Variants in WIPF1 observed in about 807,000 individuals in gnomAD.
The protein encoded by WIPF1 is WAS/WASL interacting protein family member 1.
Under a neutral mutation model 35.4 loss-of-function variants are expected in WIPF1, and 13 were observed. The ratio of observed to expected loss-of-function variants is 0.37; its 90% CI spans 0.24 to 0.58. The LOEUF (loss-of-function observed/expected upper bound fraction) is 0.58. Among genes scored for constraint, WIPF1 ranks in the 20% least tolerant of loss-of-function variants. The pLI, the probability that WIPF1 is intolerant of heterozygous loss-of-function variation, is 0.74. For synonymous variants in WIPF1, 267 were observed against 266.3 expected (o/e 1.00, Z -0.02); for missense variants, 591 against 667.0 (o/e 0.89, Z 1.25).
Position 174,681,933 on chromosome 2 carries a change from C to T in WIPF1, c.-39+841G>A, listed in dbSNP as rs371820342. Among the ~76,000 whole-genome samples, 4 of 152,372 alleles carry T rather than the reference C, an allele frequency of 2.6e-5. No individual in the cohort carries two copies. The East Asian group carries it at 5.8e-4, about 22-fold the overall frequency. ...TAATCCCAAAGAGCTCAAAGTCTAA[C>T]CAACCACCAGTGGTCTGATTTAGAG... On this transcript the variant is annotated intron_variant, in intron 1 of 8. Coordinates refer to the WIPF1 transcript ENST00000272746.
intron 1 of WIPF1, among the ~76,000 whole-genome samples, chr2:174,633,647 G>A (rs1687095185): frequency 6.6e-6 from 1 of 152,056 alleles, no homozygotes; most frequent in African/African-American, 2.4e-5. Flanking sequence ...GTCCCTCATT[G>A]GCCTCAGGAA....
At chr2:174,595,109 A>AT (rs1553529786) in intron 1 of WIPF1, among the ~76,000 whole-genome samples, 16 of 57,742 alleles carry the variant, frequency 2.8e-4, no homozygotes, top group African/African-American at 1.4e-3. Context: ...AAAAAAAAAA[A>AT]ATATATATAT....
At chr2:174,666,728 G>A (rs543815306) in intron 1 of WIPF1, among the ~76,000 whole-genome samples, 2 of 152,370 alleles carry the variant, frequency 1.3e-5, no homozygotes, top group Admixed American at 6.5e-5. Context: ...ACATGCCCAG[G>A]GGCCTGGCTT....
intron 1 of WIPF1, among the ~76,000 whole-genome samples, chr2:174,675,834 G>A (rs926173798): frequency 7.9e-5 from 12 of 151,630 alleles, no homozygotes; most frequent in Admixed American, 4.6e-4. Flanking sequence ...GGGTGGAGGC[G>A]GGGGTGTGAG....
chr2:174,589,210 A>C (rs1488939722), intron 1 of WIPF1, among the ~76,000 whole-genome samples: 1 of 152,214 alleles, frequency 6.6e-6, no homozygotes, highest in East Asian at 1.9e-4. Context: ...TATGGACTCC[A>C]TGGGGTCTTG....
rs536643444 is a variant in WIPF1, at chr2:174,643,831, AT to A, written c.-39+38942del. ...TTTCTTATTCTATGTCTCATTTAGT[AT>A]TTTTTTTACATTCAATCCTACATTT... On this transcript the variant is annotated intron_variant, in intron 1 of 8. Coordinates refer to the WIPF1 transcript ENST00000272746. Among the ~76,000 whole-genome samples, 289 of 151,996 alleles carry A rather than the reference AT, an allele frequency of 1.9e-3. 1 individual carries two copies. Among genetic ancestry groups the A allele is most frequent in the Non-Finnish European group, 2.6e-3 (180 of 67,926 alleles).
chr2:174,634,497 C>T (rs781250222), intron 1 of WIPF1: 9 of 152,176 alleles, frequency 5.9e-5, no homozygotes, highest in Non-Finnish European at 1.2e-4. Flanking sequence ...AAAAGTTTTC[C>T]AGGGGGCAAA....
chr2:174,592,719 C>A (rs1185976155), intron 1 of WIPF1, among the ~76,000 whole-genome samples: 1 of 151,462 alleles, frequency 6.6e-6, no homozygotes, highest in African/African-American at 2.4e-5. Flanking sequence ...AATTCTCCTG[C>A]CTCAGCCTCC....
At chr2:174,607,103 A>C (rs1686189760) in intron 1 of WIPF1, among the ~76,000 whole-genome samples, 1 of 152,192 alleles carries the variant, frequency 6.6e-6, no homozygotes, top group African/African-American at 2.4e-5. Context: ...ACATTAATTC[A>C]TTTATAAGGG....
chr2:174,651,157 TGTC>T (rs949439384), intron 1 of WIPF1, among the ~76,000 whole-genome samples: 21 of 152,364 alleles, frequency 1.4e-4, no homozygotes, highest in African/African-American at 5.1e-4. Context: ...GTACTAAGAC[TGTC>T]ATTTCAGGTC....
chr2:174,580,338 C>T (rs969762258), intron 3 of WIPF1, among the ~76,000 whole-genome samples: 1 of 152,214 alleles, frequency 6.6e-6, no homozygotes, highest in African/African-American at 2.4e-5. Flanking sequence ...CTAGGTCTTT[C>T]ACTTTTCCTT....
intron 1 of WIPF1, chr2:174,630,814 C>A: frequency 6.6e-6 from 1 of 152,312 alleles, no homozygotes; most frequent in Non-Finnish European, 1.5e-5. Context: ...TCTTTCCTAC[C>A]ACTTCCTTGC....
intron 1 of WIPF1, among the ~76,000 whole-genome samples, chr2:174,635,547 T>G (rs1404688995): frequency 4.0e-5 from 6 of 148,992 alleles, no homozygotes; most frequent in Admixed American, 6.7e-5. Flanking sequence ...TTTTTTTTTT[T>G]TTTTTTTGTG....
chr2:174,655,026 G>A (rs372937786), intron 1 of WIPF1, among the ~76,000 whole-genome samples: 9 of 152,260 alleles, frequency 5.9e-5, no homozygotes, highest in African/African-American at 2.2e-4. Flanking sequence ...GTATGTCCAC[G>A]CTGGCTCTCC....
chr2:174,575,451 C>T, intron 3 of WIPF1, 71 bp from the exon 4 acceptor site: 1 of 1,482,088 alleles, frequency 6.7e-7, no homozygotes, highest in Non-Finnish European at 8.9e-7. Flanking sequence ...AACAACAGTA[C>T]AACAGGGAGC....
At chr2:174,614,756 A>G (rs1345534837) in intron 1 of WIPF1, among the ~76,000 whole-genome samples, 1 of 152,220 alleles carries the variant, frequency 6.6e-6, no homozygotes. Context: ...ATTTCCTACT[A>G]TCCAAGCTAT....
In WIPF1 at chr2:174,636,159, G is replaced by A. The variant is rs546891574; in HGVS notation, c.-39+46615C>T. On this transcript the variant is annotated intron_variant, in intron 1 of 8. Transcript: ENST00000272746. ...AAATACTACATAGATGAAAAATGATGATGACTCAATTTGAATGTATTTAGA... is the reference window on the plus strand; with the variant it reads ...AAATACTACATAGATGAAAAATGATAATGACTCAATTTGAATGTATTTAGA... Among the ~76,000 whole-genome samples, 19 of 152,306 alleles carry A rather than the reference G, an allele frequency of 1.2e-4. No individual in the cohort carries two copies. In the South Asian group the frequency reaches 1.7e-3, roughly 13 times the overall value.
intron 1 of WIPF1, among the ~76,000 whole-genome samples, chr2:174,621,234 T>C (rs1341770429): frequency 6.6e-6 from 1 of 152,076 alleles, no homozygotes; most frequent in Non-Finnish European, 1.5e-5. Context: ...TTGAGTAATA[T>C]ATATTAGAAA....
intron 1 of WIPF1, among the ~76,000 whole-genome samples, chr2:174,653,976 C>G (rs1346226045): frequency 6.6e-6 from 1 of 152,142 alleles, no homozygotes; most frequent in African/African-American, 2.4e-5. Context: ...TCAACAACCT[C>G]TCCTGGTAGA....
Sources: gnomAD v4.1 joint callset for allele counts (sites outside exome capture counted in the v4.1 genomes callset) on GRCh38, gnomAD v4.1.1 for gene constraint, MANE v1.5 for transcripts, NCBI Gene and HGNC (gene_info 2026-07-23, HGNC 2026-07-21) for gene names.